The following SLC1A7 variants were observed in gnomAD, a reference collection of about 807,000 sequenced individuals.
The protein encoded by SLC1A7 is solute carrier family 1 member 7.
Under a neutral mutation model 47.7 loss-of-function variants are expected in SLC1A7, and 40 were observed. The observed-to-expected ratio is 0.84, with a 90% confidence interval of 0.65 to 1.09. SLC1A7 has a LOEUF of 1.09. Ranked by LOEUF, SLC1A7 falls within the 50% of genes least tolerant of loss-of-function variation. The pLI is 0.00. For missense variants in SLC1A7, 746 were observed against 769.5 expected, an observed-to-expected ratio of 0.97 and a Z score of 0.36; for synonymous variants, 323 against 325.6, an observed-to-expected ratio of 0.99 and a Z score of 0.09.
chr1:53,105,386 C>T (rs1644627993), intron 4 of SLC1A7, among the ~76,000 whole-genome samples: 1 of 152,060 alleles, frequency 6.6e-6, no homozygotes, highest in Admixed American at 6.5e-5. Context: ...CTCCTCGGAG[C>T]CTCAGTTTCC....
Position 53,134,361 on chromosome 1 carries a change from C to A in SLC1A7, c.204G>T (p.Leu68=), listed in dbSNP as rs768179471. The part of the protein sequence containing the change: ...MRMLKMMILP[L]VVSSLMSGLA... ...ACCCCCGCTCTCACCTGGAGACCACCAGTGGCAGGATCATCATCTTCAGCA... is the reference window on the plus strand; with the variant it reads ...ACCCCCGCTCTCACCTGGAGACCACAAGTGGCAGGATCATCATCTTCAGCA... The change falls in exon 2 of 11, where the codon CTG becomes CTT. Residue 68 remains leucine (L), a synonymous_variant. Transcript: ENST00000371494. The A allele has an allele frequency of 6.2e-6, 10 of 1,612,902 alleles. No individual in the cohort carries two copies. In the African/African-American group the frequency reaches 1.3e-4, roughly 22 times the overall value.
At chr1:53,092,323 C>G (rs949768955) in intron 7 of SLC1A7, among the ~76,000 whole-genome samples, 4 of 152,258 alleles carry the variant, frequency 2.6e-5, no homozygotes, top group Admixed American at 1.3e-4. Flanking sequence ...CGCCCCCATG[C>G]GGACTCAGTG....
intron 2 of SLC1A7, among the ~76,000 whole-genome samples, chr1:53,120,758 CA>C (rs938748092): frequency 1.2e-4 from 19 of 152,364 alleles, no homozygotes; most frequent in African/African-American, 4.3e-4. Flanking sequence ...CCTGACCCAG[CA>C]CCTGGCACAG....
intron 7 of SLC1A7, among the ~76,000 whole-genome samples, chr1:53,091,879 C>A (rs1262198631): frequency 6.6e-6 from 1 of 152,172 alleles, no homozygotes; most frequent in Non-Finnish European, 1.5e-5. Context: ...TCCTTCCTGC[C>A]CCCTCCACCA....
intron 2 of SLC1A7, among the ~76,000 whole-genome samples, chr1:53,130,986 C>T (rs1370458417): frequency 6.6e-6 from 1 of 151,324 alleles, no homozygotes; most frequent in Non-Finnish European, 1.5e-5. Context: ...CGTCATATCT[C>T]CCCCCTGAAG....
intron 1 of SLC1A7, among the ~76,000 whole-genome samples, chr1:53,136,998 C>T (rs1025758556): frequency 1.3e-5 from 2 of 151,910 alleles, no homozygotes; most frequent in Admixed American, 6.6e-5. Flanking sequence ...GTTAAAAGTG[C>T]TCTAATAGCC....
intron 1 of SLC1A7, among the ~76,000 whole-genome samples, chr1:53,137,287 C>CAAAAAAAAAAAAAAAAAAAAAAA (rs60113708): frequency 9.9e-5 from 10 of 100,754 alleles, no homozygotes; most frequent in African/African-American, 2.7e-4. Context: ...ACGCTATCTC[C>CAAAAAAAAAAAAAAAAAAAAAAA]AAAAAAAAAA....
chr1:53,087,741 C>T lies in SLC1A7; in HGVS notation c.*268G>A, dbSNP rs1030537185. On this transcript the variant is annotated 3_prime_UTR_variant, in exon 11 of 11. Coordinates refer to ENST00000371494, the MANE Select transcript of SLC1A7 (RefSeq NM_006671.6). ...GTGGGGCCGGATAACCCCTGCCTGC[C>T]GCCCTCACCGGGCTCACACCGGGGA... 5 of 318,698 alleles carry T rather than the reference C, an allele frequency of 1.6e-5. No homozygotes were observed. Among genetic ancestry groups the T allele is most frequent in the East Asian group, 4.6e-5 (1 of 21,622 alleles). 19.7% of individuals were successfully genotyped at this position (318,698 alleles called of 1,614,324 possible).
intron 1 of SLC1A7, among the ~76,000 whole-genome samples, chr1:53,138,809 AG>A (rs760441618): frequency 3.3e-5 from 5 of 152,200 alleles, no homozygotes; most frequent in Non-Finnish European, 7.3e-5. Context: ...TGTGTTGGGC[AG>A]CTACTCACAT....
intron 2 of SLC1A7, chr1:53,116,346 C>A (rs1215638219): frequency 6.6e-6 from 1 of 152,398 alleles, no homozygotes; most frequent in African/African-American, 2.4e-5. Flanking sequence ...TCCCTGCCCC[C>A]ACCTCACTGG....
At chr1:53,141,931 G>A (rs1645061702) in intron 1 of SLC1A7, among the ~76,000 whole-genome samples, 1 of 152,174 alleles carries the variant, frequency 6.6e-6, no homozygotes, top group Non-Finnish European at 1.5e-5. Flanking sequence ...CCTCTGCCTA[G>A]AGCACGCTTC....
At chr1:53,098,013 AACCCTGCCTCGGTACACTCACAT>A (rs1644519885) in intron 5 of SLC1A7, among the ~76,000 whole-genome samples, 4 of 104,444 alleles carry the variant, frequency 3.8e-5, no homozygotes, top group South Asian at 3.3e-4. Context: ...TACACTCACA[AACCCTGCCTCGGTACACTCACAT>A]ACCCTGCCTC....
chr1:53,091,940 A>C (rs1288405), intron 7 of SLC1A7, among the ~76,000 whole-genome samples: 125,473 of 152,226 alleles, frequency 0.82, 51,994 homozygotes, highest in East Asian at 0.95. Context: ...CACTGGGCTG[A>C]GGTTTGGGAT....
Position 53,114,820 on chromosome 1 carries a change from C to T in SLC1A7, c.369G>A (p.Glu123=). The change falls in exon 3 of 11, where the codon GAG becomes GAA. Residue 123 remains glutamate, a synonymous_variant. Transcript: ENST00000371494. The part of the protein sequence containing the change: ...IIHPGSAAQK[E]TTEQSGKPIM... ...TGGGCTTCCCACTCTGCTCCGTGGTCTCCTTCTGGGCCGCGCTGCCTGGGT... is the reference window on the plus strand; with the variant it reads ...TGGGCTTCCCACTCTGCTCCGTGGTTTCCTTCTGGGCCGCGCTGCCTGGGT... The T allele has an allele frequency of 6.2e-7, 1 of 1,614,188 alleles. No individual in the cohort carries two copies. Among genetic ancestry groups the T allele is most frequent in the Non-Finnish European group, 8.5e-7 (1 of 1,180,028 alleles).
At chr1:53,090,922 G>T in intron 7 of SLC1A7, 116 bp from the exon 8 acceptor site, 1 of 1,543,186 alleles carries the variant, frequency 6.5e-7, no homozygotes, top group Non-Finnish European at 8.7e-7. Context: ...TTGTGCCTCT[G>T]CAGCGCTGCT....
intron 3 of SLC1A7, among the ~76,000 whole-genome samples, chr1:53,114,021 T>C (rs560856546): frequency 4.6e-5 from 7 of 152,248 alleles, no homozygotes; most frequent in Admixed American, 4.6e-4. Context: ...CAGGCCCCCA[T>C]GTTGTCCCTG....
rs145534236 is a variant in SLC1A7 at position 53,091,891 on chromosome 1, C to T, written c.1031+663G>A. ...ACTTCCTTCCTGCCCCCTCCACCAA[C>T]GACATGGTTTGCACAACTCTAAATT... is the stretch of plus-strand genomic sequence containing the variant. On this transcript the variant is annotated intron_variant, in intron 7 of 10. Transcript: ENST00000371494. 2.8e-3 allele frequency among the ~76,000 whole-genome samples: 420 copies of T among 152,322 alleles called. 1 individual carries two copies. Among genetic ancestry groups the T allele is most frequent in the African/African-American group, 9.2e-3 (382 of 41,570 alleles).
intron 2 of SLC1A7, among the ~76,000 whole-genome samples, chr1:53,119,394 G>A (rs1437973048): frequency 6.6e-6 from 1 of 152,152 alleles, no homozygotes; most frequent in Non-Finnish European, 1.5e-5. Flanking sequence ...TGTTGCCCAG[G>A]CTGGGGCTCA....
At chr1:53,139,492 G>A (rs1351031448) in intron 1 of SLC1A7, among the ~76,000 whole-genome samples, 1 of 152,204 alleles carries the variant, frequency 6.6e-6, no homozygotes, top group Non-Finnish European at 1.5e-5. Flanking sequence ...GGCAGGCAGT[G>A]GGTGGAGATG....
Sources: gnomAD v4.1 joint callset for allele counts (sites outside exome capture counted in the v4.1 genomes callset) on GRCh38, gnomAD v4.1.1 for gene constraint, MANE v1.5 for transcripts, NCBI Gene and HGNC (gene_info 2026-07-23, HGNC 2026-07-21) for gene names.